The following P4HA1 variants were observed in gnomAD, a reference collection of about 807,000 sequenced individuals.
The protein encoded by P4HA1 is prolyl 4-hydroxylase subunit alpha 1, also known as prolyl 4-hydroxylase subunit alpha-1.
P4HA1 carries 24 observed loss-of-function variants against 72.8 expected under a neutral mutation model. The observed-to-expected ratio is 0.33, with a 90% CI of 0.24 to 0.46. The LOEUF is 0.46. Ranked by LOEUF, P4HA1 falls within the 20% of genes least tolerant of loss-of-function variation. P4HA1 has a pLI of 1.00. For synonymous variants in P4HA1, 201 were observed against 218.8 expected, an observed-to-expected ratio of 0.92 and a Z score of 0.72; for missense variants, 446 against 640.6, an observed-to-expected ratio of 0.70 and a Z score of 3.28.
chr10:73,042,024 T>G (rs1840747347), intron 9 of P4HA1, among the ~76,000 whole-genome samples: 1 of 151,992 alleles, frequency 6.6e-6, no homozygotes, highest in Admixed American at 6.6e-5. Context: ...TTTTTTTGTA[T>G]TTTTTGTAGA....
At chr10:73,090,954 C>T (rs1298216574) in intron 1 of P4HA1, among the ~76,000 whole-genome samples, 4 of 147,218 alleles carry the variant, frequency 2.7e-5, no homozygotes, top group South Asian at 2.2e-4. Context: ...CCCAGCTACT[C>T]GGGAGGCTGA....
Position 73,009,911 on chromosome 10 carries a change from G to A in P4HA1, c.1438-8C>T. On this transcript the variant is annotated splice_region_variant and splice_polypyrimidine_tract_variant and intron_variant, in intron 13 of 14. Coordinates refer to ENST00000394890, the MANE Select transcript of P4HA1 (RefSeq NM_001017962.3). Reference sequence around the variant, plus strand: ...CCAGAAAACAGCAGTTCCCTATGGAGAACAATTCACAATTATCCCCAAGTA... The same window carrying A: ...CCAGAAAACAGCAGTTCCCTATGGAAAACAATTCACAATTATCCCCAAGTA... 1 of 1,483,110 alleles carries A rather than the reference G, an allele frequency of 6.7e-7. No homozygotes were observed. Among genetic ancestry groups the A allele is most frequent in the Non-Finnish European group, 9.4e-7 (1 of 1,061,884 alleles). 91.9% of individuals were successfully genotyped at this position (1,483,110 alleles called of 1,614,324 possible).
Position 73,008,261 on chromosome 10 carries a change from T to C in P4HA1, c.1566A>G (p.Gln522=). Residue 522 remains glutamine (Q), a synonymous_variant, in exon 15 of 15, where the codon CAA becomes CAG. Transcript: ENST00000394890. ...ACAACGTACAAGGTCTTCGAAATTC[T>C]TGTCCACGTTCATGGAGCCATTTAT... The part of the protein sequence containing the change: ...VSNKWLHERG[Q]EFRRPCTLSE... 1 of 1,608,088 alleles carries C rather than the reference T, an allele frequency of 6.2e-7. No homozygotes were observed. Among genetic ancestry groups the C allele is most frequent in the South Asian group, 1.1e-5 (1 of 90,832 alleles).
intron 5 of P4HA1, among the ~76,000 whole-genome samples, chr10:73,057,350 C>CGTG (rs1841175910): frequency 6.6e-6 from 1 of 151,794 alleles, no homozygotes. Flanking sequence ...ATTAGCCGGG[C>CGTG]GTGGTGGTGG....
intron 9 of P4HA1, among the ~76,000 whole-genome samples, chr10:73,039,279 G>T (rs899565770): frequency 6.9e-6 from 1 of 145,508 alleles, no homozygotes; most frequent in Non-Finnish European, 1.5e-5. Flanking sequence ...GCAAGACCCT[G>T]CCTCTTAAAA....
At chr10:73,037,998 G>A (rs188622418) in intron 9 of P4HA1, among the ~76,000 whole-genome samples, 2 of 152,246 alleles carry the variant, frequency 1.3e-5, no homozygotes, top group African/African-American at 2.4e-5. Flanking sequence ...GCTCATGCCT[G>A]TAATCCCAGC....
Position 73,074,790 on chromosome 10 carries a change from A to C in P4HA1, c.76+18T>G, listed in dbSNP as rs1260878713. The stretch of plus-strand genomic sequence containing the variant: ...AAAAATGCAAAACCAACAAAAAACA[A>C]CAAGTAGTAAGACTTACCAATTGAA... On this transcript the variant is annotated intron_variant, in intron 2 of 14. Transcript: ENST00000394890. 7.3e-7 allele frequency: 1 copy of C among 1,362,264 alleles called. No individual in the cohort carries two copies. The highest frequency in any genetic ancestry group is 1.5e-5 in the African/African-American group (1 of 68,934). The allele number at this position is 1,362,264 out of a possible 1,614,324, so 84.4% of individuals were successfully genotyped here.
At chr10:73,027,902 G>A (rs1197032977) in intron 10 of P4HA1, among the ~76,000 whole-genome samples, 1 of 149,510 alleles carries the variant, frequency 6.7e-6, no homozygotes, top group Non-Finnish European at 1.5e-5. Context: ...GGGAGGGAGG[G>A]AAGAATCAGA....
chr10:73,067,252 A>T (rs1470363075), intron 5 of P4HA1, among the ~76,000 whole-genome samples: 1 of 152,184 alleles, frequency 6.6e-6, no homozygotes, highest in East Asian at 1.9e-4. Context: ...TTCTACTCTA[A>T]TAAGTAGCTT....
chr10:73,011,931 A>T (rs1420625992), intron 12 of P4HA1, among the ~76,000 whole-genome samples: 1 of 152,204 alleles, frequency 6.6e-6, no homozygotes, highest in East Asian at 1.9e-4. Flanking sequence ...TAAATACATA[A>T]CTAATAGTAA....
At chr10:73,050,984 T>C in intron 7 of P4HA1, 69 bp downstream of exon 7, 1 of 1,053,388 alleles carries the variant, frequency 9.5e-7, no homozygotes, top group Non-Finnish European at 1.4e-6. Context: ...TAACTGATTC[T>C]CTCCAGAACT....
At chr10:73,036,266 AAT>A (rs199935862) in intron 9 of P4HA1, among the ~76,000 whole-genome samples, 125 of 150,710 alleles carry the variant, frequency 8.3e-4, no homozygotes, top group Middle Eastern at 3.4e-3. Flanking sequence ...TTAAAAAAAA[AAT>A]AACTGTCAAA....
chr10:73,014,602 T>C (rs1249785045), intron 11 of P4HA1, among the ~76,000 whole-genome samples: 1 of 152,174 alleles, frequency 6.6e-6, no homozygotes, highest in Non-Finnish European at 1.5e-5. Context: ...ACTTGTATAC[T>C]GGATACTTTA....
rs745945879 is a variant in P4HA1, at chr10:73,053,579, T to G, written c.475A>C (p.Lys159Gln). The G allele has an allele frequency of 3.1e-6, 5 of 1,613,748 alleles. No individual in the cohort carries two copies. The highest frequency in any genetic ancestry group is 4.2e-6 in the Non-Finnish European group (5 of 1,179,888). ...CAGTCCTCAGCCGTTAGAAAAGATT[T>G]GTGTTTCACTCCTATGAAAAGAAAA... ...SKGNLPGVKH[K>Q]SFLTAEDCFE... Residue 159 changes from lysine to glutamine, a missense_variant, in exon 6 of 15, where the codon AAA (lysine) becomes CAA (glutamine). Physicochemically the swap from Lys to Gln is moderately conservative, Grantham distance 53. Coordinates refer to ENST00000394890, the MANE Select transcript of P4HA1 (RefSeq NM_001017962.3).
chr10:73,037,525 CTATATATATATATATATATATATATATA>C (rs869107512), intron 9 of P4HA1, among the ~76,000 whole-genome samples: 6 of 34,298 alleles, frequency 1.7e-4, no homozygotes, highest in Non-Finnish European at 2.6e-4. Context: ...TCGAAAACCA[CTATATATATATATATATATATATATATA>C]TATATATATA....
intron 7 of P4HA1, among the ~76,000 whole-genome samples, chr10:73,050,151 G>A (rs559668711): frequency 3.0e-4 from 45 of 148,734 alleles, no homozygotes; most frequent in African/African-American, 1.1e-3. Context: ...GGGTGATAGG[G>A]TGGGTTTCTG....
chr10:73,063,700 T>A (rs1416948098), intron 5 of P4HA1, among the ~76,000 whole-genome samples: 3 of 152,260 alleles, frequency 2.0e-5, no homozygotes, highest in East Asian at 3.9e-4. Flanking sequence ...CACCAATAAT[T>A]TTTTTTACAT....
chr10:73,096,187 C>T (rs1349673169), intron 1 of P4HA1, among the ~76,000 whole-genome samples: 5 of 152,170 alleles, frequency 3.3e-5, no homozygotes, highest in African/African-American at 9.6e-5. Context: ...TAATGCTGCA[C>T]CGCTGCGCGC....
At chr10:73,077,439 C>G (rs545362039) in intron 1 of P4HA1, among the ~76,000 whole-genome samples, 1 of 152,092 alleles carries the variant, frequency 6.6e-6, no homozygotes, top group East Asian at 1.9e-4. Context: ...CATTAGCCTA[C>G]AGAAATAACT....
Sources: gnomAD v4.1 joint callset for allele counts (sites outside exome capture counted in the v4.1 genomes callset) on GRCh38, gnomAD v4.1.1 for gene constraint, MANE v1.5 for transcripts, NCBI Gene and HGNC (gene_info 2026-07-23, HGNC 2026-07-21) for gene names.